The following ERCC6L2 variants were observed in gnomAD, a reference collection of about 807,000 sequenced individuals.
The protein encoded by ERCC6L2 is DNA excision repair protein ERCC-6-like 2.
Under a neutral mutation model 132.0 loss-of-function variants are expected in ERCC6L2, and 77 were observed. The ratio of observed to expected loss-of-function variants is 0.58; its 90% CI spans 0.49 to 0.71. The LOEUF (loss-of-function observed/expected upper bound fraction) is 0.71. ERCC6L2 is among the 30% of genes least tolerant of loss of function. ERCC6L2 has a pLI of 0.00. For synonymous variants in ERCC6L2, 583 were observed against 632.4 expected (o/e 0.92, Z 1.17); for missense variants, 1,542 against 1,837.6 (o/e 0.84, Z 2.94).
chr9:95,963,191 TGTAA>T (rs1365580358), intron 13 of ERCC6L2, among the ~76,000 whole-genome samples: 2 of 151,852 alleles, frequency 1.3e-5, no homozygotes, highest in African/African-American at 2.4e-5. Context: ...AAATTTTATT[TGTAA>T]GTGTTTGCAG....
intron 9 of ERCC6L2, among the ~76,000 whole-genome samples, chr9:95,927,571 C>G (rs1230578240): frequency 1.3e-5 from 2 of 151,912 alleles, no homozygotes; most frequent in Non-Finnish European, 2.9e-5. Context: ...AATAGAGAAA[C>G]AAAGGGGAGA....
chr9:96,017,292 G>T lies in ERCC6L2; in HGVS notation c.*4089G>T, dbSNP rs1335346684. Reference sequence around the variant, plus strand: ...CAGGAGGGAAGAACATCTCACTTTTGCTTGGCTAAAGGGCCACCCCAGGAG... The same window carrying T: ...CAGGAGGGAAGAACATCTCACTTTTTCTTGGCTAAAGGGCCACCCCAGGAG... On this transcript the variant is annotated 3_prime_UTR_variant, in exon 19 of 19. Coordinates refer to ENST00000653738, the MANE Select transcript of ERCC6L2 (RefSeq NM_020207.7). Among the ~76,000 whole-genome samples, 2 of 152,106 alleles carry T rather than the reference G, an allele frequency of 1.3e-5. No individual in the cohort carries two copies. The highest frequency in any genetic ancestry group is 2.9e-5 in the Non-Finnish European group (2 of 68,006).
intron 19 of ERCC6L2, among the ~76,000 whole-genome samples, chr9:96,030,438 C>T (rs759263825): frequency 5.3e-5 from 8 of 152,144 alleles, no homozygotes; most frequent in Non-Finnish European, 8.8e-5. Flanking sequence ...ACTCTCACGC[C>T]TGTAATCCCA....
chr9:95,927,199 G>A (rs1830136963), intron 9 of ERCC6L2, among the ~76,000 whole-genome samples: 1 of 151,894 alleles, frequency 6.6e-6, no homozygotes, highest in South Asian at 2.1e-4. Flanking sequence ...TTTTTTGAGG[G>A]ACTAGGGGGA....
intron 13 of ERCC6L2, among the ~76,000 whole-genome samples, chr9:95,956,881 C>T (rs897908753): frequency 6.7e-6 from 1 of 149,116 alleles, no homozygotes; most frequent in Non-Finnish European, 1.5e-5. Context: ...CTTTGAGTAA[C>T]CTCTTCTTTT....
intron 11 of ERCC6L2, among the ~76,000 whole-genome samples, chr9:95,938,877 C>G (rs1389925450): frequency 1.3e-5 from 2 of 151,910 alleles, no homozygotes; most frequent in Admixed American, 6.6e-5. Flanking sequence ...TCTAGTTCCA[C>G]TGTTTCTCTT....
Position 95,876,028 on chromosome 9 carries a change from C to A in ERCC6L2, c.-11C>A. ...TACATGCAGCCGGGCTCGGCCCCTC[C>A]CCCTGGCCGGATGGATCCGTCGGCG... On this transcript the variant is annotated 5_prime_UTR_variant, in exon 1 of 19. Coordinates refer to ENST00000653738, the MANE Select transcript of ERCC6L2 (RefSeq NM_020207.7). 1 of 1,587,674 alleles carries A rather than the reference C, an allele frequency of 6.3e-7. No homozygotes were observed. Among genetic ancestry groups the A allele is most frequent in the African/African-American group, 1.3e-5 (1 of 74,344 alleles).
intron 17 of ERCC6L2, among the ~76,000 whole-genome samples, chr9:95,989,185 A>G (rs1381723974): frequency 6.6e-6 from 1 of 152,096 alleles, no homozygotes; most frequent in Admixed American, 6.5e-5. Flanking sequence ...ATAGGTATTG[A>G]ATCAATCATA....
At chr9:95,896,082 A>G (rs561164430) in intron 2 of ERCC6L2, among the ~76,000 whole-genome samples, 2 of 152,182 alleles carry the variant, frequency 1.3e-5, no homozygotes, top group South Asian at 4.1e-4. Flanking sequence ...ATGTACATAT[A>G]TATTTTGTAT....
intron 1 of ERCC6L2, 137 bp from the exon 2 acceptor site, chr9:95,880,732 C>T: frequency 1.6e-6 from 1 of 644,118 alleles, no homozygotes; most frequent in Non-Finnish European, 2.6e-6. Flanking sequence ...AATATCTATA[C>T]ATGTTAGAAT....
At chr9:95,952,830 T>G (rs1831402966) in intron 12 of ERCC6L2, among the ~76,000 whole-genome samples, 1 of 144,608 alleles carries the variant, frequency 6.9e-6, no homozygotes, top group Non-Finnish European at 1.5e-5. Flanking sequence ...ACAGAGTGAC[T>G]CCGTCTCAAT....
chr9:95,983,183 T>G (rs1320430372), intron 17 of ERCC6L2, among the ~76,000 whole-genome samples: 2 of 152,246 alleles, frequency 1.3e-5, no homozygotes, highest in African/African-American at 2.4e-5. Context: ...AAAAGATATC[T>G]AGTCCAGTCC....
At chr9:95,949,815 C>G (rs1409576252) in intron 12 of ERCC6L2, among the ~76,000 whole-genome samples, 1 of 152,030 alleles carries the variant, frequency 6.6e-6, no homozygotes, top group Non-Finnish European at 1.5e-5. Context: ...CAAGACCAGT[C>G]TGGTCAAGAT....
In ERCC6L2 at chr9:96,012,725, G is replaced by GT; in HGVS notation, c.4176dup (p.Glu1393Ter). On this transcript the variant is annotated frameshift_variant, in exon 19 of 19. Coordinates refer to ENST00000653738, the MANE Select transcript of ERCC6L2 (RefSeq NM_020207.7). LOFTEE classifies it low-confidence loss of function (END_TRUNC). ...TCTCTGAACAGTGAGTCTGAAACAC[G>GT]TGAGAGAAGGTTAGAAAATACCATG... The GT allele has an allele frequency of 7.3e-7, 1 of 1,367,510 alleles. No homozygotes were observed. Among genetic ancestry groups the GT allele is most frequent in the Non-Finnish European group, 9.8e-7 (1 of 1,021,828 alleles). 84.7% of individuals were successfully genotyped at this position (1,367,510 alleles called of 1,614,324 possible).
intron 12 of ERCC6L2, among the ~76,000 whole-genome samples, chr9:95,952,159 T>TC (rs1395148637): frequency 7.7e-5 from 1 of 12,992 alleles, no homozygotes; most frequent in African/African-American, 1.3e-3. Flanking sequence ...AGAGTGAGAC[T>TC]CCATCTTAAA....
intron 19 of ERCC6L2, among the ~76,000 whole-genome samples, chr9:96,032,893 A>G (rs892089971): frequency 6.6e-6 from 1 of 152,124 alleles, no homozygotes; most frequent in Admixed American, 6.5e-5. Flanking sequence ...CTACTTATCA[A>G]GCATTTTCTA....
At chr9:95,928,979 C>A in intron 11 of ERCC6L2, 115 bp downstream of exon 11, 1 of 715,768 alleles carries the variant, frequency 1.4e-6, no homozygotes, top group Non-Finnish European at 2.1e-6. Context: ...TTAGAAGCAG[C>A]AAAAATACTA....
intron 17 of ERCC6L2, among the ~76,000 whole-genome samples, chr9:96,002,350 C>A (rs948540393): frequency 6.6e-6 from 1 of 151,514 alleles, no homozygotes; most frequent in Non-Finnish European, 1.5e-5. Context: ...TTTTTCTCTG[C>A]GTGTTGAAGA....
intron 14 of ERCC6L2, among the ~76,000 whole-genome samples, chr9:95,970,370 A>G (rs572218724): frequency 2.6e-5 from 4 of 152,194 alleles, no homozygotes; most frequent in Non-Finnish European, 5.9e-5. Context: ...CACAAGAATT[A>G]AGAGTATTTT....
Sources: gnomAD v4.1 joint callset for allele counts (sites outside exome capture counted in the v4.1 genomes callset) on GRCh38, gnomAD v4.1.1 for gene constraint, MANE v1.5 for transcripts, NCBI Gene and HGNC (gene_info 2026-07-23, HGNC 2026-07-21) for gene names.